The following FRMD4B variants were observed in gnomAD, a reference collection of about 807,000 sequenced individuals.
The protein encoded by FRMD4B is FERM domain containing 4B.
Under a neutral mutation model 141.5 loss-of-function variants are expected in FRMD4B, and 74 were observed. The ratio of observed to expected loss-of-function variants is 0.52; its 90% CI spans 0.43 to 0.63. The LOEUF (loss-of-function observed/expected upper bound fraction) is 0.63. Ranked by LOEUF, FRMD4B falls within the 30% of genes least tolerant of loss-of-function variation. FRMD4B has a pLI of 0.00. For synonymous variants in FRMD4B, 506 were observed against 467.9 expected, an observed-to-expected ratio of 1.08 and a Z score of -1.05; for missense variants, 1,366 against 1,253.4, an observed-to-expected ratio of 1.09 and a Z score of -1.36.
At chr3:69,324,673 C>G (rs1239935896) in intron 1 of FRMD4B, among the ~76,000 whole-genome samples, 1 of 152,178 alleles carries the variant, frequency 6.6e-6, no homozygotes, top group Admixed American at 6.5e-5. Context: ...AAACTAGTAA[C>G]AATTAAACAA....
intron 1 of FRMD4B, among the ~76,000 whole-genome samples, chr3:69,533,879 T>C (rs988342962): frequency 1.3e-5 from 2 of 152,168 alleles, no homozygotes; most frequent in Non-Finnish European, 2.9e-5. Context: ...CCATGTTCAT[T>C]CACATCTCCT....
chr3:69,520,952 G>T (rs1479901535), intron 1 of FRMD4B, among the ~76,000 whole-genome samples: 2 of 152,172 alleles, frequency 1.3e-5, no homozygotes, highest in Non-Finnish European at 2.9e-5. Context: ...TTTTCACTTT[G>T]CTCTAGATAT....
At chr3:69,424,590 C>A (rs570598452) in intron 2 of FRMD4B, among the ~76,000 whole-genome samples, 8 of 152,118 alleles carry the variant, frequency 5.3e-5, no homozygotes, top group Admixed American at 1.3e-4. Flanking sequence ...GAAACACAAA[C>A]AGCCAATAAA....
intron 1 of FRMD4B, chr3:69,536,085 C>A: frequency 2.2e-6 from 1 of 456,968 alleles, no homozygotes; most frequent in South Asian, 2.0e-5. Context: ...GGCCTGGTGT[C>A]CTTGCCCACA....
At chr3:69,189,110 T>C (rs1444876024) in intron 18 of FRMD4B, among the ~76,000 whole-genome samples, 1 of 150,900 alleles carries the variant, frequency 6.6e-6, no homozygotes, top group African/African-American at 2.4e-5. Flanking sequence ...TAATCCCAGC[T>C]ACTCGGGAGG....
intron 1 of FRMD4B, among the ~76,000 whole-genome samples, chr3:69,464,947 G>T (rs1467514611): frequency 6.6e-6 from 1 of 152,100 alleles, no homozygotes; most frequent in Non-Finnish European, 1.5e-5. Context: ...AGAGATGGAG[G>T]GAAAACTTAC....
chr3:69,398,920 T>A (rs1025408392), intron 2 of FRMD4B, among the ~76,000 whole-genome samples: 4 of 152,078 alleles, frequency 2.6e-5, no homozygotes, highest in Admixed American at 1.3e-4. Flanking sequence ...TATATATATA[T>A]AAGCTATTTT....
intron 2 of FRMD4B, among the ~76,000 whole-genome samples, chr3:69,416,296 G>A (rs904313888): frequency 1.3e-5 from 2 of 152,206 alleles, no homozygotes; most frequent in African/African-American, 4.8e-5. Context: ...TGTAGAGACA[G>A]GGTCTCACTC....
At chr3:69,200,716 T>C (rs1325453624) in intron 11 of FRMD4B, 1 of 1,273,212 alleles carries the variant, frequency 7.9e-7, no homozygotes, top group African/African-American at 1.5e-5. Flanking sequence ...AGTTGGGATT[T>C]GCCTGATACT....
chr3:69,232,564 C>T (rs557925070), intron 7 of FRMD4B, among the ~76,000 whole-genome samples: 12 of 152,184 alleles, frequency 7.9e-5, no homozygotes, highest in African/African-American at 1.7e-4. Context: ...AGTACCCTGA[C>T]GGAATGTGCC....
At chr3:69,422,420 G>A (rs1371681100) in intron 2 of FRMD4B, among the ~76,000 whole-genome samples, 1 of 151,376 alleles carries the variant, frequency 6.6e-6, no homozygotes, top group African/African-American at 2.4e-5. Flanking sequence ...AGAGGGGGCA[G>A]GGAAGAGAGA....
chr3:69,315,395 C>T (rs1701770305), intron 1 of FRMD4B, among the ~76,000 whole-genome samples: 1 of 151,848 alleles, frequency 6.6e-6, no homozygotes, highest in Non-Finnish European at 1.5e-5. Flanking sequence ...TATTATTTTA[C>T]TTTAGTACAT....
At chr3:69,241,727 G>A (rs569582533) in intron 7 of FRMD4B, among the ~76,000 whole-genome samples, 18 of 151,962 alleles carry the variant, frequency 1.2e-4, no homozygotes, top group Admixed American at 2.0e-4. Context: ...GTAAAACCCC[G>A]TCTCTACTAA....
intron 1 of FRMD4B, among the ~76,000 whole-genome samples, chr3:69,540,027 T>C (rs1435362432): frequency 2.0e-5 from 3 of 152,032 alleles, no homozygotes; most frequent in African/African-American, 7.2e-5. Context: ...ACCCGGTCTC[T>C]ACTAAAAATA....
intron 5 of FRMD4B, among the ~76,000 whole-genome samples, chr3:69,255,366 T>G (rs560148244): frequency 1.3e-5 from 2 of 152,232 alleles, no homozygotes; most frequent in Non-Finnish European, 2.9e-5. Flanking sequence ...TTCTGTAAGT[T>G]TGAAATTGTC....
chr3:69,233,599 T>G (rs931314261), intron 7 of FRMD4B, among the ~76,000 whole-genome samples: 2 of 152,166 alleles, frequency 1.3e-5, no homozygotes, highest in Non-Finnish European at 2.9e-5. Flanking sequence ...ATGCCATAGT[T>G]AAGTGCCTAT....
At chr3:69,302,199 CATG>C in intron 4 of FRMD4B, 141 bp downstream of exon 4, 1 of 625,266 alleles carries the variant, frequency 1.6e-6, no homozygotes, top group Non-Finnish European at 2.9e-6. Flanking sequence ...ATCTCCTTCA[CATG>C]ATAATGTTTT....
intron 1 of FRMD4B, among the ~76,000 whole-genome samples, chr3:69,525,523 G>A (rs1700918819): frequency 6.6e-6 from 1 of 152,202 alleles, no homozygotes; most frequent in South Asian, 2.1e-4. Flanking sequence ...ACTGTATGTA[G>A]GCTTTGAGGA....
intron 1 of FRMD4B, chr3:69,353,726 C>A (rs1002773306): frequency 8.1e-6 from 8 of 983,308 alleles, no homozygotes; most frequent in Non-Finnish European, 9.7e-6. Context: ...ACTCCCGACG[C>A]CTTCCGCTGC....
Sources: gnomAD v4.1 joint callset for allele counts (sites outside exome capture counted in the v4.1 genomes callset) on GRCh38, gnomAD v4.1.1 for gene constraint, MANE v1.5 for transcripts, NCBI Gene and HGNC (gene_info 2026-07-23, HGNC 2026-07-21) for gene names.